ATP2A2: variants seen among roughly 807,000 people sequenced by gnomAD.
ATP2A2 encodes sarcoplasmic/endoplasmic reticulum calcium ATPase 2.
Under a neutral mutation model 109.3 loss-of-function variants are expected in ATP2A2, and 14 were observed. The observed-to-expected ratio is 0.13, with a 90% CI of 0.08 to 0.20. The LOEUF (loss-of-function observed/expected upper bound fraction) is 0.20. ATP2A2 is among the 10% of genes least tolerant of loss of function. The pLI is 1.00. For missense variants in ATP2A2, 657 were observed against 1,321.6 expected, an observed-to-expected ratio of 0.50 and a Z score of 7.80; for synonymous variants, 506 against 490.9, an observed-to-expected ratio of 1.03 and a Z score of -0.41.
chr12:110,338,599 C>G (rs950444389), intron 11 of ATP2A2, among the ~76,000 whole-genome samples: 1 of 152,168 alleles, frequency 6.6e-6, no homozygotes, highest in African/African-American at 2.4e-5. Context: ...GCTGGGATTA[C>G]AGGTGCCTGC....
rs1160568997 is a variant in ATP2A2, at chr12:110,347,151, T to C, written c.*681T>C. 2 of 1,184,564 alleles carry C rather than the reference T, an allele frequency of 1.7e-6. No individual in the cohort carries two copies. Among genetic ancestry groups the C allele is most frequent in the African/African-American group, 3.2e-5 (2 of 62,400 alleles). The allele number at this position is 1,184,564 out of a possible 1,614,324, so 73.4% of individuals were successfully genotyped here. On this transcript the variant is annotated 3_prime_UTR_variant, in exon 20 of 20. Transcript: ENST00000539276. The stretch of plus-strand genomic sequence containing the variant: ...CTGTACTCGCTTGTGCAGAAAACAT[T>C]GTTCCAGATTCAATCGACTGGGTTT...
At chr12:110,283,600 G>A (rs1269033696) in intron 3 of ATP2A2, among the ~76,000 whole-genome samples, 1 of 151,930 alleles carries the variant, frequency 6.6e-6, no homozygotes, top group Non-Finnish European at 1.5e-5. Flanking sequence ...TTTTTCTTGG[G>A]CAGTAGATTG....
In ATP2A2 at chr12:110,339,488, CTG is replaced by C. The variant is rs1879150910; in HGVS notation, c.1543-13_1543-12del. 6.2e-7 allele frequency: 1 copy of C among 1,613,984 alleles called. No individual in the cohort carries two copies. The highest frequency in any genetic ancestry group is 8.5e-7 in the Non-Finnish European group (1 of 1,179,944). Reference sequence around the variant, plus strand: ...ATAAAACAAAATTGTTTATCTAAATCTGTAACATTTCCAGGGTGCTCCTGAAG... The same window carrying C: ...ATAAAACAAAATTGTTTATCTAAATCTAACATTTCCAGGGTGCTCCTGAAG... On this transcript the variant is annotated splice_polypyrimidine_tract_variant and intron_variant, in intron 12 of 19. Coordinates refer to ENST00000539276, the MANE Select transcript of ATP2A2 (RefSeq NM_170665.4). This position sits in a 1 kb window ranked among gnomAD's most constrained non-coding sequence, Gnocchi z 4.4.
In ATP2A2 at chr12:110,328,033, T is replaced by C. The variant is rs1328678143; in HGVS notation, c.1095+16T>C. The C allele has an allele frequency of 6.2e-7, 1 of 1,607,300 alleles. No homozygotes were observed. Among genetic ancestry groups the C allele is most frequent in the Admixed American group, 1.7e-5 (1 of 60,012 alleles). On this transcript the variant is annotated intron_variant, in intron 8 of 19. Coordinates refer to ENST00000539276, the MANE Select transcript of ATP2A2 (RefSeq NM_170665.4). ...AGTCTGCAGGGTAAGAGGAGTAATTTAGAATATTCCGTGTCGTGGTTCTTT... is the reference window on the plus strand; with the variant it reads ...AGTCTGCAGGGTAAGAGGAGTAATTCAGAATATTCCGTGTCGTGGTTCTTT...
In ATP2A2 at chr12:110,348,387, G is replaced by C; in HGVS notation, c.*1917G>C. 2.0e-6 allele frequency: 2 copies of C among 985,432 alleles called. No homozygotes were observed. Among genetic ancestry groups the C allele is most frequent in the African/African-American group, 3.5e-5 (2 of 57,328 alleles). The allele number at this position is 985,432 out of a possible 1,614,324, so 61.0% of individuals were successfully genotyped here. A position where few individuals can be genotyped will look rare whatever the true frequency, so the allele number is the denominator to read the frequency against. On this transcript the variant is annotated 3_prime_UTR_variant, in exon 20 of 20. Coordinates refer to ENST00000539276, the MANE Select transcript of ATP2A2 (RefSeq NM_170665.4). ...AAAACCAGCTTACTCCTTAGCCAGG[G>C]TGTGAGGCCTCGACTATATTCTTCA... is the stretch of plus-strand genomic sequence containing the variant.
intron 5 of ATP2A2, among the ~76,000 whole-genome samples, chr12:110,308,898 G>A (rs1358159932): frequency 6.6e-6 from 1 of 152,172 alleles, no homozygotes; most frequent in African/African-American, 2.4e-5. Flanking sequence ...ACTGGAGAGT[G>A]TTGTAAACTA....
rs1366992770 is a variant in ATP2A2, at chr12:110,281,258, C to T, written c.-532C>T. On this transcript the variant is annotated 5_prime_UTR_variant, in exon 1 of 20. Transcript: ENST00000539276. ...GGCCGATAAATGCTATTAGAGCAGC[C>T]GCCGCGGAGCCGTCCCCGACGCCAC... 1 of 151,430 alleles carries T rather than the reference C, an allele frequency of 6.6e-6. No homozygotes were observed. Among genetic ancestry groups the T allele is most frequent in the African/African-American group, 2.4e-5 (1 of 41,340 alleles). 9.4% of individuals were successfully genotyped at this position (151,430 alleles called of 1,614,324 possible). A position where few individuals can be genotyped will look rare whatever the true frequency, so the allele number is the denominator to read the frequency against.
intron 14 of ATP2A2, among the ~76,000 whole-genome samples, chr12:110,341,336 C>A (rs1317068994): frequency 2.6e-5 from 4 of 152,112 alleles, no homozygotes; most frequent in African/African-American, 7.2e-5. Context: ...CTTTTAAGTT[C>A]TTTAAGAGCT....
rs567310358 is a variant in ATP2A2 at position 110,291,977 on chromosome 12, T to G, written c.220-43T>G. 10 of 1,556,542 alleles carry G rather than the reference T, an allele frequency of 6.4e-6. No individual in the cohort carries two copies. In the Admixed American group the frequency reaches 6.7e-5, roughly 10 times the overall value. ...TAGCCACTTTTTAAAAAAGTGACAT[T>G]AAGCCTAAAAAGACACATTCTAACG... On this transcript the variant is annotated intron_variant, in intron 3 of 19. Transcript: ENST00000539276.
At chr12:110,308,394 G>A (rs2137757758) in intron 5 of ATP2A2, among the ~76,000 whole-genome samples, 1 of 152,188 alleles carries the variant, frequency 6.6e-6, no homozygotes, top group East Asian at 1.9e-4. Flanking sequence ...CCTAGTTACA[G>A]CTGTAATATT....
intron 6 of ATP2A2, among the ~76,000 whole-genome samples, chr12:110,323,505 A>G (rs978711230): frequency 1.3e-5 from 2 of 152,190 alleles, no homozygotes; most frequent in Admixed American, 6.5e-5. Flanking sequence ...TTTTAAAGGC[A>G]TGATTTAAAA....
chr12:110,323,093 C>T (rs375290230), intron 6 of ATP2A2, 21 bp downstream of exon 6: 2 of 1,570,736 alleles, frequency 1.3e-6, no homozygotes, highest in African/African-American at 2.7e-5. Context: ...TATATTAAGT[C>T]ATTGAATTTC....
rs768523759 is a variant in ATP2A2 at position 110,346,758 on chromosome 12, C to T, written c.*288C>T. ...TACAGTGTTCTGTTTAATACTCATCCTTGTATAAAAAAAATAGTTGAGCCA... is the reference window on the plus strand; with the variant it reads ...TACAGTGTTCTGTTTAATACTCATCTTTGTATAAAAAAAATAGTTGAGCCA... On this transcript the variant is annotated 3_prime_UTR_variant, in exon 20 of 20. Coordinates refer to ENST00000539276, the MANE Select transcript of ATP2A2 (RefSeq NM_170665.4). 8.3e-7 allele frequency: 1 copy of T among 1,207,772 alleles called. No homozygotes were observed. The allele number at this position is 1,207,772 out of a possible 1,614,324, so 74.8% of individuals were successfully genotyped here.
In ATP2A2 at chr12:110,349,682, C is replaced by T. The variant is rs912023907; in HGVS notation, c.*3212C>T. 1.0e-5 allele frequency: 10 copies of T among 991,082 alleles called. No individual in the cohort carries two copies. The highest frequency in any genetic ancestry group is 5.6e-5 in the Admixed American group (1 of 17,720). The allele number at this position is 991,082 out of a possible 1,614,324, so 61.4% of individuals were successfully genotyped here. A position where few individuals can be genotyped will look rare whatever the true frequency, so the allele number is the denominator to read the frequency against. On this transcript the variant is annotated 3_prime_UTR_variant, in exon 20 of 20. Transcript: ENST00000539276. ...AGCTCAGTGTCTACCAAGCATCTAG[C>T]CACTGTCCAGGGCCAGAGCATACCA...
chr12:110,316,908 T>C (rs1041352320), intron 5 of ATP2A2, among the ~76,000 whole-genome samples: 5 of 152,046 alleles, frequency 3.3e-5, no homozygotes, highest in Non-Finnish European at 7.4e-5. Context: ...TAAGCCCGGG[T>C]TGGGATGCCA....
At position 110,327,609 on chromosome 12, in the gene ATP2A2, C is replaced by T. The variant is rs1592845530; in HGVS notation, c.687C>T (p.Asn229=). The T allele has an allele frequency of 6.2e-7, 1 of 1,614,128 alleles. No homozygotes were observed. The highest frequency in any genetic ancestry group is 8.5e-7 in the Non-Finnish European group (1 of 1,180,020). The change falls in exon 8 of 20, where the codon AAC becomes AAT. Residue 229 remains asparagine, a synonymous_variant. Coordinates refer to ENST00000539276, the MANE Select transcript of ATP2A2 (RefSeq NM_170665.4). The surrounding 1 kb of genome is among the most constrained non-coding windows in gnomAD (Gnocchi z 4.4). ...GAGTGGTGGTAGCAACTGGAGTTAA[C>T]ACCGAAATTGGCAAGATCCGGGATG... ...AMGVVVATGV[N]TEIGKIRDEM...
chr12:110,303,618 G>T (rs1215599452), intron 5 of ATP2A2, among the ~76,000 whole-genome samples: 1 of 152,032 alleles, frequency 6.6e-6, no homozygotes, highest in Non-Finnish European at 1.5e-5. Context: ...CACCGTGTTG[G>T]CCAGGATGGT....
At position 110,350,431 on chromosome 12, in the gene ATP2A2, C is replaced by A; in HGVS notation, c.*3961C>A. ...GGAAAAAGAAAAGTAAAAAACTTCC[C>A]AACTCACTTTGTGTTATGTGGAGGA... On this transcript the variant is annotated 3_prime_UTR_variant, in exon 20 of 20. Transcript: ENST00000539276. The A allele has an allele frequency of 1.3e-6, 2 of 1,490,044 alleles. No homozygotes were observed. Among genetic ancestry groups the A allele is most frequent in the Non-Finnish European group, 1.9e-6 (2 of 1,072,466 alleles). 92.3% of individuals were successfully genotyped at this position (1,490,044 alleles called of 1,614,324 possible).
intron 5 of ATP2A2, among the ~76,000 whole-genome samples, chr12:110,297,002 G>A (rs1274164879): frequency 6.6e-6 from 1 of 152,164 alleles, no homozygotes; most frequent in East Asian, 1.9e-4. Flanking sequence ...TAGAACACAA[G>A]TGCTAGAGAG....
Sources: allele counts gnomAD v4.1 joint callset (sites outside exome capture counted in the v4.1 genomes callset), GRCh38; gene constraint gnomAD v4.1.1; non-coding constraint Gnocchi (gnomAD v3.1); transcripts MANE v1.5; gene names NCBI Gene and HGNC (gene_info 2026-07-23, HGNC 2026-07-21).